The following CNTNAP2 variants were observed in gnomAD, a reference collection of about 807,000 sequenced individuals.
CNTNAP2 encodes contactin-associated protein-like 2.
Under a neutral mutation model 155.2 loss-of-function variants are expected in CNTNAP2, and 98 were observed. The observed-to-expected ratio is 0.63, with a 90% CI of 0.54 to 0.75. The LOEUF is 0.75. Among genes scored for constraint, CNTNAP2 ranks in the 30% least tolerant of loss-of-function variants. CNTNAP2 has a pLI of 0.00. For missense variants in CNTNAP2, 1,727 were observed against 1,688.1 expected, an observed-to-expected ratio of 1.02 and a Z score of -0.40; for synonymous variants, 651 against 631.2, an observed-to-expected ratio of 1.03 and a Z score of -0.47.
intron 10 of CNTNAP2, among the ~76,000 whole-genome samples, chr7:147,444,525 C>CTTTTT (rs557707358): frequency 6.8e-5 from 9 of 131,876 alleles, no homozygotes; most frequent in African/African-American, 1.9e-4. Context: ...ATTAAATTTT[C>CTTTTT]TTTTTTTTTT....
chr7:146,702,480 G>A (rs771550570), intron 1 of CNTNAP2, among the ~76,000 whole-genome samples: 6 of 152,082 alleles, frequency 3.9e-5, no homozygotes, highest in East Asian at 3.9e-4. Flanking sequence ...CTGTCTAATC[G>A]AACATTTTGT....
intron 3 of CNTNAP2, among the ~76,000 whole-genome samples, chr7:147,022,630 C>A (rs1158149008): frequency 6.8e-6 from 1 of 147,558 alleles, no homozygotes. Flanking sequence ...TTATTACTAA[C>A]CTAAATATAA....
At chr7:147,318,326 C>T (rs555818566) in intron 9 of CNTNAP2, among the ~76,000 whole-genome samples, 2 of 152,166 alleles carry the variant, frequency 1.3e-5, no homozygotes, top group East Asian at 3.9e-4. Context: ...CCTGAAGTCC[C>T]AGCTACTTGG....
intron 1 of CNTNAP2, among the ~76,000 whole-genome samples, chr7:146,298,320 C>T (rs10233686): frequency 0.14 from 21,323 of 151,980 alleles, 3,853 homozygotes; most frequent in African/African-American, 0.42. Context: ...CAGGGTTTTC[C>T]TGCAGAAGGC....
intron 1 of CNTNAP2, among the ~76,000 whole-genome samples, chr7:146,242,941 A>G (rs2116930034): frequency 6.6e-6 from 1 of 152,302 alleles, no homozygotes; most frequent in East Asian, 1.9e-4. Context: ...AAATCTACAC[A>G]AATATTTTTA....
At chr7:146,926,703 A>G (rs1796616898) in intron 3 of CNTNAP2, among the ~76,000 whole-genome samples, 1 of 152,164 alleles carries the variant, frequency 6.6e-6, no homozygotes, top group Non-Finnish European at 1.5e-5. Flanking sequence ...TACAGTAGGA[A>G]TGATATAAAG....
intron 21 of CNTNAP2, among the ~76,000 whole-genome samples, chr7:148,370,504 A>G (rs918874745): frequency 5.3e-5 from 8 of 152,092 alleles, no homozygotes; most frequent in African/African-American, 1.9e-4. Context: ...CATCTTGTGG[A>G]TTTTCTGTGG....
chr7:147,986,543 C>G (rs9640247), intron 15 of CNTNAP2, among the ~76,000 whole-genome samples: 143,111 of 152,260 alleles, frequency 0.94, 67,333 homozygotes, highest in East Asian at 0.98. Flanking sequence ...TTTTACAGAT[C>G]AGGGGTCTGG....
At chr7:147,222,223 C>T (rs911123983) in intron 8 of CNTNAP2, among the ~76,000 whole-genome samples, 1 of 151,464 alleles carries the variant, frequency 6.6e-6, no homozygotes, top group Non-Finnish European at 1.5e-5. Flanking sequence ...TCCTATTACA[C>T]TTTCGTAGTT....
intron 9 of CNTNAP2, among the ~76,000 whole-genome samples, chr7:147,343,075 A>C (rs774418823): frequency 1.3e-5 from 2 of 152,120 alleles, no homozygotes; most frequent in African/African-American, 4.8e-5. Flanking sequence ...CAATCAATAC[A>C]TGTTTGTTGA....
chr7:147,181,100 C>A (rs138713599), intron 8 of CNTNAP2, among the ~76,000 whole-genome samples: 282 of 152,144 alleles, frequency 1.9e-3, no homozygotes, highest in African/African-American at 6.5e-3. Context: ...ACAATGAGGG[C>A]ACAATTTGAA....
chr7:147,285,119 T>C (rs1239259677), intron 8 of CNTNAP2, among the ~76,000 whole-genome samples: 1 of 151,990 alleles, frequency 6.6e-6, no homozygotes, highest in Non-Finnish European at 1.5e-5. Context: ...ACTCTATTCT[T>C]ATTATGCAAT....
At chr7:147,340,563 A>G (rs1795743406) in intron 9 of CNTNAP2, among the ~76,000 whole-genome samples, 1 of 152,070 alleles carries the variant, frequency 6.6e-6, no homozygotes, top group Admixed American at 6.6e-5. Flanking sequence ...TCCTCATAGT[A>G]TCTTTTGCAC....
chr7:148,061,878 T>TAG (rs1803141074), intron 15 of CNTNAP2, among the ~76,000 whole-genome samples: 3 of 112,088 alleles, frequency 2.7e-5, no homozygotes, highest in African/African-American at 9.9e-5. Context: ...GATAAACAGA[T>TAG]ATAGATAGAT....
At chr7:148,008,217 A>C (rs12534044) in intron 15 of CNTNAP2, among the ~76,000 whole-genome samples, 79,888 of 151,164 alleles carry the variant, frequency 0.53, 21,743 homozygotes, top group Admixed American at 0.62. Context: ...CAAAAAAAAA[A>C]AAAAATTAGC....
chr7:147,234,690 G>A (rs1803761644), intron 8 of CNTNAP2, among the ~76,000 whole-genome samples: 1 of 152,116 alleles, frequency 6.6e-6, no homozygotes, highest in African/African-American at 2.4e-5. Context: ...ATGTTGCAGC[G>A]AGTTTCATTG....
At chr7:147,791,453 C>CTTTTTT (rs35344971) in intron 13 of CNTNAP2, among the ~76,000 whole-genome samples, 4 of 123,456 alleles carry the variant, frequency 3.2e-5, no homozygotes, top group Admixed American at 8.3e-5. Flanking sequence ...CTCTCTCTCT[C>CTTTTTT]TTTTTTTTTT....
intron 1 of CNTNAP2, among the ~76,000 whole-genome samples, chr7:146,430,899 A>G (rs1241139380): frequency 2.0e-5 from 3 of 152,176 alleles, no homozygotes; most frequent in Admixed American, 2.0e-4. Flanking sequence ...AAAACAAAGG[A>G]ATGGAACAGT....
chr7:147,279,582 A>G (rs1804982386), intron 8 of CNTNAP2, among the ~76,000 whole-genome samples: 1 of 151,798 alleles, frequency 6.6e-6, no homozygotes, highest in South Asian at 2.1e-4. Context: ...GCTAAATTAT[A>G]ATATTGATTA....
Sources: allele counts gnomAD v4.1 joint callset (sites outside exome capture counted in the v4.1 genomes callset), GRCh38; gene constraint gnomAD v4.1.1; transcripts MANE v1.5; gene names NCBI Gene and HGNC (gene_info 2026-07-23, HGNC 2026-07-21).